TASP1: variants seen among roughly 807,000 people sequenced by gnomAD.
The protein encoded by TASP1 is taspase 1.
Under a neutral mutation model 56.6 loss-of-function variants are expected in TASP1, and 16 were observed. The ratio of observed to expected loss-of-function variants is 0.28; its 90% CI spans 0.19 to 0.43. TASP1 has a LOEUF of 0.43. TASP1 is among the 20% of genes least tolerant of loss of function. TASP1 has a pLI of 1.00. For missense variants in TASP1, 393 were observed against 511.6 expected (o/e 0.77, Z 2.24); for synonymous variants, 179 against 184.2 (o/e 0.97, Z 0.23).
chr20:13,166,582 G>A, the TASP1 span: 2 of 152,178 alleles, frequency 1.3e-5, no homozygotes, highest in Admixed American at 6.5e-5. Flanking sequence ...AATAAAATGT[G>A]TCATAAATAT....
At chr20:13,557,650 G>T (rs116159322) in intron 8 of TASP1, among the ~76,000 whole-genome samples, 3 of 136,236 alleles carry the variant, frequency 2.2e-5, no homozygotes, top group African/African-American at 8.4e-5. Flanking sequence ...ACATGATCAC[G>T]GCTCACTGCA....
At chr20:13,593,254 T>C (rs1049704061) in intron 4 of TASP1, among the ~76,000 whole-genome samples, 11 of 151,920 alleles carry the variant, frequency 7.2e-5, no homozygotes, top group African/African-American at 2.4e-4. Flanking sequence ...GATGGCCAAA[T>C]AGGAACAGCT....
intron 10 of TASP1, among the ~76,000 whole-genome samples, chr20:13,495,853 G>A (rs1372345515): frequency 6.6e-6 from 1 of 152,000 alleles, no homozygotes; most frequent in Non-Finnish European, 1.5e-5. Flanking sequence ...ATCTCTCTCA[G>A]GTCATGAGAA....
the TASP1 span, among the ~76,000 whole-genome samples, chr20:13,144,143 G>A: frequency 2.6e-5 from 4 of 152,184 alleles, no homozygotes; most frequent in African/African-American, 9.7e-5. Context: ...TTCTAGGCAA[G>A]TACTCATCCC....
chr20:13,354,128 A>C, the TASP1 span, among the ~76,000 whole-genome samples: 8 of 152,330 alleles, frequency 5.3e-5, no homozygotes, highest in African/African-American at 1.7e-4. Context: ...AAGCTTGGAA[A>C]ATAAAGTAGA....
the TASP1 span, among the ~76,000 whole-genome samples, chr20:13,286,241 G>T: frequency 6.6e-6 from 1 of 151,978 alleles, no homozygotes; most frequent in Non-Finnish European, 1.5e-5. Context: ...TCTCTGACAA[G>T]TGTGCAATTG....
At chr20:13,417,806 A>T (rs933728924) in intron 12 of TASP1, among the ~76,000 whole-genome samples, 5 of 152,140 alleles carry the variant, frequency 3.3e-5, no homozygotes, top group African/African-American at 1.2e-4. Flanking sequence ...ACACACACAC[A>T]CTCGTACATA....
chr20:13,514,437 T>C (rs1245473972), intron 10 of TASP1, among the ~76,000 whole-genome samples: 2 of 152,104 alleles, frequency 1.3e-5, no homozygotes, highest in Non-Finnish European at 2.9e-5. Context: ...ATAATTAGCA[T>C]AGCTGTGTGT....
chr20:13,308,658 C>A, the TASP1 span, among the ~76,000 whole-genome samples: 1 of 152,004 alleles, frequency 6.6e-6, no homozygotes, highest in Admixed American at 6.6e-5. Context: ...CTAGGCTATT[C>A]GTATTGTCAA....
In TASP1 at chr20:13,402,602, C is replaced by T. The variant is rs181090155; in HGVS notation, c.1171-12150G>A. On this transcript the variant is annotated intron_variant, in intron 13 of 13. Coordinates refer to ENST00000337743, the MANE Select transcript of TASP1 (RefSeq NM_017714.3). The stretch of plus-strand genomic sequence containing the variant: ...TACCATCCCGAGGCAGTTGGCTTCC[C>T]GCCAGGGATCAGATGCCTTTAGTTG... Among the ~76,000 whole-genome samples, 44 of 152,276 alleles carry T rather than the reference C, an allele frequency of 2.9e-4. No individual in the cohort carries two copies. The East Asian group carries it at 3.3e-3, about 11-fold the overall frequency.
intron 1 of TASP1, 22 bp from the exon 2 acceptor site, chr20:13,630,174 T>C: frequency 7.6e-7 from 1 of 1,324,378 alleles, no homozygotes; most frequent in Non-Finnish European, 1.0e-6. Flanking sequence ...CAGGCAAAGA[T>C]GGTATACATT....
At chr20:13,488,580 C>A (rs1327884900) in intron 10 of TASP1, among the ~76,000 whole-genome samples, 5 of 152,172 alleles carry the variant, frequency 3.3e-5, no homozygotes, top group Non-Finnish European at 7.3e-5. Flanking sequence ...CTGCCCAACA[C>A]TACTCCTTGT....
chr20:13,569,372 G>C (rs945580417), intron 7 of TASP1, 135 bp downstream of exon 7: 4 of 593,380 alleles, frequency 6.7e-6, no homozygotes, highest in African/African-American at 3.8e-5. Flanking sequence ...TTTCTACGTA[G>C]CTTTTAACTA....
At chr20:13,218,277 A>T in the TASP1 span, among the ~76,000 whole-genome samples, 1 of 151,922 alleles carries the variant, frequency 6.6e-6, no homozygotes, top group Non-Finnish European at 1.5e-5. Flanking sequence ...TGAATGAAAA[A>T]GAAAAAAAAA....
chr20:13,482,419 G>T (rs932279844), intron 11 of TASP1, among the ~76,000 whole-genome samples: 2 of 151,966 alleles, frequency 1.3e-5, no homozygotes, highest in African/African-American at 4.8e-5. Flanking sequence ...TAAATTTTAG[G>T]GTTGTTTTTT....
intron 10 of TASP1, among the ~76,000 whole-genome samples, chr20:13,518,063 T>C (rs1246194927): frequency 3.3e-5 from 5 of 152,162 alleles, no homozygotes; most frequent in African/African-American, 4.8e-5. Context: ...CTAGAAGTCA[T>C]AATTCACAAA....
the TASP1 span, among the ~76,000 whole-genome samples, chr20:13,223,103 G>T: frequency 6.6e-6 from 1 of 151,588 alleles, no homozygotes; most frequent in African/African-American, 2.4e-5. Flanking sequence ...GTTGTAGTGA[G>T]CTGAGATCGC....
At chr20:13,521,122 C>G (rs2044734674) in intron 10 of TASP1, among the ~76,000 whole-genome samples, 1 of 152,120 alleles carries the variant, frequency 6.6e-6, no homozygotes, top group Non-Finnish European at 1.5e-5. Flanking sequence ...AGTCAGGAAA[C>G]AACAGATGCT....
At chr20:13,612,561 G>A (rs1231929916) in intron 4 of TASP1, among the ~76,000 whole-genome samples, 2 of 151,308 alleles carry the variant, frequency 1.3e-5, no homozygotes, top group Non-Finnish European at 3.0e-5. Flanking sequence ...GGGAGGTGGG[G>A]CTATAATGTT....
Sources: gnomAD v4.1 joint callset for allele counts (sites outside exome capture counted in the v4.1 genomes callset) on GRCh38, gnomAD v4.1.1 for gene constraint, MANE v1.5 for transcripts, NCBI Gene and HGNC (gene_info 2026-07-23, HGNC 2026-07-21) for gene names.